The following RUNX1 variants were observed in gnomAD, a reference collection of about 807,000 sequenced individuals.
RUNX1 encodes the protein RUNX family transcription factor 1.
Under a neutral mutation model 42.8 loss-of-function variants are expected in RUNX1, and 19 were observed. The observed-to-expected ratio is 0.44, with a 90% CI of 0.31 to 0.65. RUNX1 has a LOEUF of 0.65. Ranked by LOEUF, RUNX1 falls within the 30% of genes least tolerant of loss-of-function variation. RUNX1 has a pLI of 0.07. For missense variants in RUNX1, 528 were observed against 672.0 expected, an observed-to-expected ratio of 0.79 and a Z score of 2.37; for synonymous variants, 271 against 289.4, an observed-to-expected ratio of 0.94 and a Z score of 0.64.
At chr21:35,003,700 T>C (rs946774850) in intron 2 of RUNX1, among the ~76,000 whole-genome samples, 3 of 152,174 alleles carry the variant, frequency 2.0e-5, no homozygotes, top group African/African-American at 7.2e-5. Context: ...AAGGCTTAGT[T>C]CCTGTATTTC....
intron 5 of RUNX1, among the ~76,000 whole-genome samples, chr21:34,876,205 C>G (rs1007742809): frequency 6.6e-6 from 1 of 152,142 alleles, no homozygotes; most frequent in African/African-American, 2.4e-5. Context: ...GGCCCCCTCC[C>G]CTTTACCCGT....
intron 2 of RUNX1, among the ~76,000 whole-genome samples, chr21:34,920,788 G>GTT (rs11384665): frequency 6.6e-6 from 1 of 152,106 alleles, no homozygotes; most frequent in Non-Finnish European, 1.5e-5. Context: ...ATTTTTTCAT[G>GTT]TTTTTTCTAG....
At position 34,791,870 on chromosome 21, in the gene RUNX1, C is replaced by T. The variant is rs901450021; in HGVS notation, c.*265G>A. Reference sequence around the variant, plus strand: ...CAGCGCGTCCCCTGGGTGCTGGGGCCGGCGGACACCCTCGAGGTGCGTCGC... The same window carrying T: ...CAGCGCGTCCCCTGGGTGCTGGGGCTGGCGGACACCCTCGAGGTGCGTCGC... On this transcript the variant is annotated 3_prime_UTR_variant, in exon 9 of 9. Transcript: ENST00000675419. 2 of 257,376 alleles carry T rather than the reference C, an allele frequency of 7.8e-6. No individual in the cohort carries two copies. Among genetic ancestry groups the T allele is most frequent in the Non-Finnish European group, 1.5e-5 (2 of 132,614 alleles). 15.9% of individuals were successfully genotyped at this position (257,376 alleles called of 1,614,324 possible).
intron 2 of RUNX1, among the ~76,000 whole-genome samples, chr21:35,041,161 G>T (rs1225747294): frequency 6.6e-6 from 1 of 152,194 alleles, no homozygotes; most frequent in Non-Finnish European, 1.5e-5. Flanking sequence ...TCTACGGAGG[G>T]TATTCTAACG....
At chr21:35,006,596 A>G (rs1180786942) in intron 2 of RUNX1, among the ~76,000 whole-genome samples, 2 of 152,052 alleles carry the variant, frequency 1.3e-5, no homozygotes, top group East Asian at 1.9e-4. Flanking sequence ...GAGCAATAAT[A>G]CCAGTATCCT....
At chr21:34,941,590 C>T (rs1249402576) in intron 2 of RUNX1, among the ~76,000 whole-genome samples, 3 of 152,192 alleles carry the variant, frequency 2.0e-5, no homozygotes, top group Non-Finnish European at 4.4e-5. Context: ...CTTGTCTTCT[C>T]ATGTATGACA....
At chr21:34,840,863 C>T (rs116877183) in intron 6 of RUNX1, among the ~76,000 whole-genome samples, 4,123 of 152,180 alleles carry the variant, frequency 0.027, 67 homozygotes, top group African/African-American at 0.04. Flanking sequence ...TCAAAGGTGC[C>T]CTCCTCTCTC....
intron 2 of RUNX1, among the ~76,000 whole-genome samples, chr21:34,949,596 A>T (rs978535708): frequency 2.0e-5 from 3 of 152,286 alleles, no homozygotes; most frequent in East Asian, 3.9e-4. Flanking sequence ...GGCCTCCCCT[A>T]GGTGTACTTG....
intron 2 of RUNX1, among the ~76,000 whole-genome samples, chr21:34,903,600 C>G (rs992754760): frequency 6.6e-6 from 1 of 152,138 alleles, no homozygotes; most frequent in African/African-American, 2.4e-5. Flanking sequence ...TGATCTCAGT[C>G]TTGCTTACAA....
At chr21:34,880,348 A>T (rs960497811) in intron 5 of RUNX1, among the ~76,000 whole-genome samples, 3 of 152,228 alleles carry the variant, frequency 2.0e-5, no homozygotes, top group Non-Finnish European at 2.9e-5. Flanking sequence ...ATCAGTCTTA[A>T]ATCCACTCAG....
intron 6 of RUNX1, among the ~76,000 whole-genome samples, chr21:34,846,000 CCCATAATA>C (rs1410116931): frequency 6.6e-6 from 1 of 152,054 alleles, no homozygotes; most frequent in Non-Finnish European, 1.5e-5. Context: ...TGCAGAATAG[CCCATAATA>C]CTGTGAGGAG....
intron 2 of RUNX1, among the ~76,000 whole-genome samples, chr21:35,017,480 G>A (rs1248290917): frequency 6.6e-6 from 1 of 152,164 alleles, no homozygotes; most frequent in Admixed American, 6.5e-5. Flanking sequence ...CTAAGCAACT[G>A]GAAAACATGA....
At chr21:34,886,480 G>A (rs1167531572) in intron 4 of RUNX1, among the ~76,000 whole-genome samples, 1 of 152,242 alleles carries the variant, frequency 6.6e-6, no homozygotes, top group African/African-American at 2.4e-5. Flanking sequence ...TCCAGCGGTA[G>A]GGGCAGCAGT....
chr21:34,826,947 G>A (rs896201788), intron 7 of RUNX1, among the ~76,000 whole-genome samples: 1 of 152,188 alleles, frequency 6.6e-6, no homozygotes, highest in Non-Finnish European at 1.5e-5. Context: ...TGCCAAGAAC[G>A]GTTCTGCCAT....
At chr21:34,909,588 CAAAAA>C (rs10584066) in intron 2 of RUNX1, among the ~76,000 whole-genome samples, 2 of 75,022 alleles carry the variant, frequency 2.7e-5, no homozygotes, top group African/African-American at 6.2e-5. Flanking sequence ...CACTGTTCCT[CAAAAA>C]AAAAAAAAAA....
intron 6 of RUNX1, among the ~76,000 whole-genome samples, chr21:34,855,769 C>T (rs1184857981): frequency 2.0e-5 from 3 of 152,166 alleles, no homozygotes; most frequent in African/African-American, 7.2e-5. Context: ...AAAATCCTTT[C>T]GCTCTATCTT....
intron 3 of RUNX1, chr21:34,889,809 TC>T: frequency 8.9e-7 from 1 of 1,122,284 alleles, no homozygotes; most frequent in Non-Finnish European, 1.1e-6. Flanking sequence ...CCGGCGGGGC[TC>T]CCTCCCAGCG....
intron 2 of RUNX1, among the ~76,000 whole-genome samples, chr21:34,898,215 G>A (rs1307746596): frequency 2.6e-5 from 4 of 152,166 alleles, no homozygotes; most frequent in Non-Finnish European, 5.9e-5. Flanking sequence ...AAGGGCTCAG[G>A]TTATCCAACC....
At chr21:34,999,488 C>T (rs1446536956) in intron 2 of RUNX1, among the ~76,000 whole-genome samples, 4 of 152,232 alleles carry the variant, frequency 2.6e-5, no homozygotes, top group Non-Finnish European at 4.4e-5. Flanking sequence ...TGTTGCTCAA[C>T]AGCTGACCCC....
Sources: gnomAD v4.1 joint callset for allele counts (sites outside exome capture counted in the v4.1 genomes callset) on GRCh38, gnomAD v4.1.1 for gene constraint, MANE v1.5 for transcripts, NCBI Gene and HGNC (gene_info 2026-07-23, HGNC 2026-07-21) for gene names.